Variants in ERCC1 observed in about 807,000 individuals in gnomAD.
The protein encoded by ERCC1 is DNA excision repair protein ERCC-1.
In ERCC1, 36 loss-of-function variants were observed where a neutral mutation model predicts 37.6. The ratio of observed to expected loss-of-function variants is 0.96; its 90% CI spans 0.73 to 1.26. The LOEUF (loss-of-function observed/expected upper bound fraction) is 1.26, where lower values mean the gene tolerates loss of function less well. ERCC1 is among the 50% of genes most tolerant of loss of function. The pLI, the probability that ERCC1 is intolerant of heterozygous loss-of-function variation, is 0.00. For synonymous variants in ERCC1, 156 were observed against 162.1 expected (o/e 0.96, Z 0.28); for missense variants, 349 against 376.5 (o/e 0.93, Z 0.60).
At position 45,409,142 on chromosome 19, in the gene ERCC1, C is replaced by T. The variant is rs1441061830; in HGVS notation, c.*533G>A. On this transcript the variant is annotated 3_prime_UTR_variant, in exon 10 of 10. Transcript: ENST00000300853. ...CAAAAAGAAGACGAAGAAAGAAAAA[C>T]AGCAAGATGCCACAGTGGAGCCAGA... 3.7e-6 allele frequency: 6 copies of T among 1,612,976 alleles called. No homozygotes were observed. Among genetic ancestry groups the T allele is most frequent in the Non-Finnish European group, 5.1e-6 (6 of 1,179,396 alleles).
intron 9 of ERCC1, among the ~76,000 whole-genome samples, chr19:45,412,068 C>T (rs141860522): frequency 2.9e-4 from 44 of 151,796 alleles, no homozygotes; most frequent in African/African-American, 9.2e-4. Context: ...ACCATGTTAG[C>T]CATGATGGTC....
chr19:45,431,833 G>GT (rs1335761341), intron 1 of ERCC1, among the ~76,000 whole-genome samples: 1 of 152,126 alleles, frequency 6.6e-6, no homozygotes, highest in African/African-American at 2.4e-5. Context: ...GGAGGCTGCA[G>GT]TGAGTCTTAA....
At chr19:45,425,512 C>T (rs1310173939), upstream of ERCC1, among the ~76,000 whole-genome samples, 1 of 151,946 alleles carries the variant, frequency 6.6e-6, no homozygotes, top group Non-Finnish European at 1.5e-5. Flanking sequence ...CCTCAGCCTC[C>T]CAAGTAGCTG....
At chr19:45,435,747 C>T (rs113924715) in intron 1 of ERCC1, among the ~76,000 whole-genome samples, 1,644 of 152,204 alleles carry the variant, frequency 0.011, 27 homozygotes, top group South Asian at 0.049. Flanking sequence ...TGTGAGCCTC[C>T]ATGTTCAGTC....
intron 1 of ERCC1, among the ~76,000 whole-genome samples, chr19:45,444,085 G>C (rs1369442178): frequency 7.8e-6 from 1 of 128,156 alleles, no homozygotes; most frequent in Non-Finnish European, 1.6e-5. Flanking sequence ...CCCTCCCCGG[G>C]CTCCCCCAAG....
chr19:45,423,448 C>T, intron 1 of ERCC1, 67 bp from the exon 2 acceptor site: 3 of 1,543,478 alleles, frequency 1.9e-6, no homozygotes, highest in Non-Finnish European at 2.6e-6. Flanking sequence ...CAGCAGGAAC[C>T]CCCCACTCAC....
chr19:45,407,458 A>C lies in ERCC1; in HGVS notation c.*2217T>G. 1 of 524,194 alleles carries C rather than the reference A, an allele frequency of 1.9e-6. No homozygotes were observed. Among genetic ancestry groups the C allele is most frequent in the Non-Finnish European group, 3.3e-6 (1 of 302,860 alleles). The allele number at this position is 524,194 out of a possible 1,614,324, so 32.5% of individuals were successfully genotyped here. A position where few individuals can be genotyped will look rare whatever the true frequency, so the allele number is the denominator to read the frequency against. The stretch of plus-strand genomic sequence containing the variant: ...TACTTATAAGAAACTATAAGGAACT[A>C]TAGTTAAACTTGGAGTGTGCAGATA... On this transcript the variant is annotated 3_prime_UTR_variant, in exon 10 of 10. Coordinates refer to ENST00000300853, the MANE Select transcript of ERCC1 (RefSeq NM_001983.4).
chr19:45,439,222 G>A lies in ERCC1; in HGVS notation c.-7-15841C>T, dbSNP rs898658554. On this transcript the variant is annotated intron_variant, in intron 1 of 8. Coordinates refer to the ERCC1 transcript ENST00000423698. ...ACAAACAAACAAAAAAACAAATAGC[G>A]CCTCGTTTTCTGGGAGGCAGTGAAT... is the stretch of plus-strand genomic sequence containing the variant. 8.6e-5 allele frequency among the ~76,000 whole-genome samples: 13 copies of A among 152,044 alleles called. 1 individual carries two copies. Among genetic ancestry groups the A allele is most frequent in the South Asian group, 6.2e-4 (3 of 4,806 alleles).
chr19:45,415,060 G>C, intron 6 of ERCC1, 100 bp from the exon 7 acceptor site: 3 of 858,550 alleles, frequency 3.5e-6, no homozygotes, highest in South Asian at 1.4e-5. Flanking sequence ...TAGGCCGGGC[G>C]CGGTGGCTCA....
chr19:45,408,080 C>CCTAAAAAAAAATCAAAAAAA lies in ERCC1; in HGVS notation c.*1594_*1595insTTTTTTTGATTTTTTTTTAG. On this transcript the variant is annotated 3_prime_UTR_variant, in exon 10 of 10. Coordinates refer to ENST00000300853, the MANE Select transcript of ERCC1 (RefSeq NM_001983.4). ...AAAAAACAAAAAAAAAATCAAAAAA[C>CCTAAAAAAAAATCAAAAAAA]CTTCCCTCTCCTGTTCCACTTAAGC... 1 of 1,508,104 alleles carries CCTAAAAAAAAATCAAAAAAA rather than the reference C, an allele frequency of 6.6e-7. No individual in the cohort carries two copies. Among genetic ancestry groups the CCTAAAAAAAAATCAAAAAAA allele is most frequent in the South Asian group, 1.4e-5 (1 of 74,028 alleles). 93.4% of individuals were successfully genotyped at this position (1,508,104 alleles called of 1,614,324 possible).
Position 45,408,169 on chromosome 19 carries a change from G to A in ERCC1, c.*1506C>T. 3 of 1,609,554 alleles carry A rather than the reference G, an allele frequency of 1.9e-6. No homozygotes were observed. The highest frequency in any genetic ancestry group is 1.7e-6 in the Non-Finnish European group (2 of 1,176,720). The stretch of plus-strand genomic sequence containing the variant: ...GGCATGTGCCTCTCTCTGGCTCCCA[G>A]ATCGTCAAGGGCAAATTGGCAGGCA... On this transcript the variant is annotated 3_prime_UTR_variant, in exon 10 of 10. Transcript: ENST00000300853.
chr19:45,420,429 T>TG lies in ERCC1; in HGVS notation c.322-3dup. Reference sequence around the variant, plus strand: ...GAACTTCAGTACGGGATTGCCCCTCTGGGGAGGGACGAAGGGCAGAAGCCA... The same window carrying TG: ...GAACTTCAGTACGGGATTGCCCCTCTGGGGGAGGGACGAAGGGCAGAAGCCA... On this transcript the variant is annotated splice_polypyrimidine_tract_variant and splice_region_variant and intron_variant, in intron 3 of 9. Transcript: ENST00000300853. This position sits in a 1 kb window ranked among gnomAD's most constrained non-coding sequence, Gnocchi z 4.8. The TG allele has an allele frequency of 6.2e-7, 1 of 1,606,004 alleles. No individual in the cohort carries two copies. Among genetic ancestry groups the TG allele is most frequent in the Non-Finnish European group, 8.5e-7 (1 of 1,173,556 alleles).
upstream of ERCC1, among the ~76,000 whole-genome samples, chr19:45,428,769 A>C (rs1210189387): frequency 6.6e-6 from 1 of 150,734 alleles, no homozygotes; most frequent in Non-Finnish European, 1.5e-5. Flanking sequence ...CGCAGTGACC[A>C]GGCTGGCGTC....
chr19:45,437,164 G>A (rs1200673201), intron 1 of ERCC1, among the ~76,000 whole-genome samples: 3 of 151,976 alleles, frequency 2.0e-5, no homozygotes, highest in Admixed American at 6.6e-5. Flanking sequence ...GAGGAGAATC[G>A]CTTGAACCCA....
chr19:45,446,294 C>A (rs1450094274), intron 1 of ERCC1, among the ~76,000 whole-genome samples: 1 of 152,072 alleles, frequency 6.6e-6, no homozygotes, highest in African/African-American at 2.4e-5. Context: ...CTGTCATGGT[C>A]CAGTTGAGTC....
At chr19:45,447,003 A>C (rs1275036708) in intron 1 of ERCC1, among the ~76,000 whole-genome samples, 1 of 152,052 alleles carries the variant, frequency 6.6e-6, no homozygotes. Context: ...GTCTAAAAAA[A>C]AAGAAAAGAA....
chr19:45,428,640 G>T (rs1004500771), upstream of ERCC1, among the ~76,000 whole-genome samples: 1 of 152,222 alleles, frequency 6.6e-6, no homozygotes, highest in Non-Finnish European at 1.5e-5. Context: ...CGGAACGGGT[G>T]GGGTGGGGAC....
rs2123511194 is a variant in ERCC1 at position 45,420,334 on chromosome 19, G to T, written c.415C>A (p.Leu139Met). ...DYVLGQSTCA[L>M]FLSLRYHNLH... ...CGCCGCAGAGCTCACCTGAGGAACA[G>T]GGCACAGGTGCTCTGGCCCAGCACA... The change falls in exon 4 of 10, where the codon CTG becomes ATG. Residue 139 changes from leucine to methionine, a missense_variant. Transcript: ENST00000300853. The surrounding 1 kb of genome is among the most constrained non-coding windows in gnomAD (Gnocchi z 4.8). 1 of 1,611,252 alleles carries T rather than the reference G, an allele frequency of 6.2e-7. No homozygotes were observed. Among genetic ancestry groups the T allele is most frequent in the Non-Finnish European group, 8.5e-7 (1 of 1,178,034 alleles).
rs1484549603 is a variant in ERCC1, at chr19:45,408,729, A to G, written c.*946T>C. ...TTCCCGTCCACCACCAAGAAGAGGA[A>G]GAAGCCCAAAGGGAAAGAAACCTTC... On this transcript the variant is annotated 3_prime_UTR_variant, in exon 10 of 10. Coordinates refer to ENST00000300853, the MANE Select transcript of ERCC1 (RefSeq NM_001983.4). The G allele has an allele frequency of 6.2e-7, 1 of 1,614,080 alleles. No homozygotes were observed. Among genetic ancestry groups the G allele is most frequent in the East Asian group, 2.2e-5 (1 of 44,890 alleles).
Sources: allele counts gnomAD v4.1 joint callset (sites outside exome capture counted in the v4.1 genomes callset), GRCh38; gene constraint gnomAD v4.1.1; non-coding constraint Gnocchi (gnomAD v3.1); transcripts MANE v1.5; gene names NCBI Gene and HGNC (gene_info 2026-07-23, HGNC 2026-07-21).